Variants in NCOA1 observed in about 807,000 individuals in gnomAD.
NCOA1 encodes the protein nuclear receptor coactivator 1.
In NCOA1, 35 loss-of-function variants were observed where a neutral mutation model predicts 150.9. The observed-to-expected ratio is 0.23, with a 90% confidence interval of 0.18 to 0.31. NCOA1 has a LOEUF of 0.31. NCOA1 is among the 10% of genes least tolerant of loss of function. The pLI is 1.00. For synonymous variants in NCOA1, 590 were observed against 630.0 expected (o/e 0.94, Z 0.95); for missense variants, 1,491 against 1,749.3 (o/e 0.85, Z 2.63).
intron 1 of NCOA1, among the ~76,000 whole-genome samples, chr2:24,515,340 C>T (rs1461770437): frequency 6.6e-6 from 1 of 152,160 alleles, no homozygotes; most frequent in African/African-American, 2.4e-5. Flanking sequence ...TCAAGCAGTC[C>T]TCCCATCTCA....
In NCOA1 at chr2:24,710,994, C is replaced by T; in HGVS notation, c.2482C>T (p.Pro828Ser). 3.1e-6 allele frequency: 5 copies of T among 1,614,160 alleles called. No homozygotes were observed. The highest frequency in any genetic ancestry group is 2.2e-5 in the East Asian group (1 of 44,884). The change falls in exon 14 of 23, where the codon CCA becomes TCA. Residue 828 changes from proline to serine, a missense_variant. Around this residue, in one of 8 missense-constraint regions of NCOA1, gnomAD observed 703 missense variants for 717.7 expected, o/e 0.98. Transcript: ENST00000348332. Reference sequence around the variant, plus strand: ...CACGCTGGAGAAGGCAGCACAGTTGCCAGGCTTATGTGAGACAGACAGGAT... The same window carrying T: ...CACGCTGGAGAAGGCAGCACAGTTGTCAGGCTTATGTGAGACAGACAGGAT... ...LPTLEKAAQL[P>S]GLCETDRMDG...
chr2:24,566,895 A>T (rs1460567657), intron 2 of NCOA1, among the ~76,000 whole-genome samples: 1 of 152,232 alleles, frequency 6.6e-6, no homozygotes, highest in African/African-American at 2.4e-5. Flanking sequence ...CTGAGCCTGC[A>T]GGGGCATGGG....
At chr2:24,681,111 C>T (rs1672141858) in intron 7 of NCOA1, among the ~76,000 whole-genome samples, 1 of 151,142 alleles carries the variant, frequency 6.6e-6, no homozygotes, top group African/African-American at 2.4e-5. Context: ...TGCCTGTAAT[C>T]CCAGCACTTT....
intron 4 of NCOA1, among the ~76,000 whole-genome samples, chr2:24,645,699 C>T (rs898736832): frequency 4.6e-5 from 7 of 151,972 alleles, no homozygotes; most frequent in Admixed American, 1.3e-4. Context: ...GCTGAGCATC[C>T]GAAATCTGAA....
At chr2:24,552,157 G>T (rs1362528251) in intron 1 of NCOA1, among the ~76,000 whole-genome samples, 1 of 151,000 alleles carries the variant, frequency 6.6e-6, no homozygotes. Flanking sequence ...TAAAATTTTA[G>T]AATCAGCTTG....
At chr2:24,507,455 T>TTA (rs1553420646) in intron 1 of NCOA1, among the ~76,000 whole-genome samples, 15 of 146,146 alleles carry the variant, frequency 1.0e-4, no homozygotes, top group South Asian at 4.3e-4. Flanking sequence ...TTTTTTTTTT[T>TTA]AATGTTTAAA....
intron 14 of NCOA1, among the ~76,000 whole-genome samples, chr2:24,725,268 C>T (rs1674558206): frequency 6.6e-6 from 1 of 152,090 alleles, no homozygotes; most frequent in Non-Finnish European, 1.5e-5. Flanking sequence ...ATTTGGGCTA[C>T]TATAACAAAA....
At chr2:24,650,030 A>G (rs1321508745) in intron 4 of NCOA1, among the ~76,000 whole-genome samples, 1 of 152,236 alleles carries the variant, frequency 6.6e-6, no homozygotes, top group East Asian at 1.9e-4. Flanking sequence ...AAATAAGATT[A>G]AATGGTGTTT....
chr2:24,670,446 A>T (rs555903963), intron 6 of NCOA1, among the ~76,000 whole-genome samples: 1 of 152,322 alleles, frequency 6.6e-6, no homozygotes, highest in Non-Finnish European at 1.5e-5. Flanking sequence ...TGATGAATAG[A>T]TATATAAAAG....
intron 7 of NCOA1, among the ~76,000 whole-genome samples, chr2:24,677,156 C>T (rs1344604849): frequency 6.6e-6 from 1 of 151,896 alleles, no homozygotes; most frequent in Admixed American, 6.6e-5. Context: ...CCAGCCTGGC[C>T]AACATGGTGA....
At chr2:24,503,488 G>C (rs910689082) in intron 1 of NCOA1, among the ~76,000 whole-genome samples, 1 of 152,118 alleles carries the variant, frequency 6.6e-6, no homozygotes, top group Non-Finnish European at 1.5e-5. Flanking sequence ...TTGAATACCT[G>C]TTGTTTGATA....
At chr2:24,669,845 C>A (rs887589487) in intron 6 of NCOA1, among the ~76,000 whole-genome samples, 1 of 152,020 alleles carries the variant, frequency 6.6e-6, no homozygotes, top group South Asian at 2.1e-4. Flanking sequence ...TGGCTATAAT[C>A]AAAAAGATAA....
At chr2:24,565,246 A>C (rs976803788) in intron 2 of NCOA1, among the ~76,000 whole-genome samples, 12 of 152,258 alleles carry the variant, frequency 7.9e-5, no homozygotes, top group Non-Finnish European at 1.5e-4. Context: ...TTTCACATGA[A>C]TTCCAAACAG....
At chr2:24,726,202 C>G (rs1450277752) in intron 14 of NCOA1, among the ~76,000 whole-genome samples, 1 of 152,034 alleles carries the variant, frequency 6.6e-6, no homozygotes, top group African/African-American at 2.4e-5. Context: ...TTATCTTTTG[C>G]TCACCACTCT....
chr2:24,662,779 C>G (rs1376532642), intron 5 of NCOA1, among the ~76,000 whole-genome samples: 3 of 151,202 alleles, frequency 2.0e-5, no homozygotes, highest in Non-Finnish European at 2.9e-5. Context: ...AAGTTTGGGC[C>G]TGTGCATTTT....
chr2:24,654,304 A>G (rs1212900361), intron 4 of NCOA1, among the ~76,000 whole-genome samples: 1 of 152,094 alleles, frequency 6.6e-6, no homozygotes, highest in East Asian at 1.9e-4. Context: ...AGGCTTCTAT[A>G]TTTTCCTTAT....
intron 5 of NCOA1, among the ~76,000 whole-genome samples, chr2:24,664,354 G>C (rs779011026): frequency 3.3e-5 from 5 of 152,092 alleles, no homozygotes; most frequent in Non-Finnish European, 5.9e-5. Flanking sequence ...TTGATTAGTT[G>C]ATTCTTTTCA....
intron 3 of NCOA1, among the ~76,000 whole-genome samples, chr2:24,600,648 T>C (rs1668073064): frequency 6.6e-6 from 1 of 152,246 alleles, no homozygotes; most frequent in Non-Finnish European, 1.5e-5. Context: ...GAGATACATA[T>C]TCTTACTATT....
intron 11 of NCOA1, among the ~76,000 whole-genome samples, chr2:24,703,552 T>C (rs907726098): frequency 3.3e-5 from 5 of 152,220 alleles, no homozygotes; most frequent in Non-Finnish European, 5.9e-5. Context: ...ATACATTATA[T>C]TTAGTAAGTA....
Sources: gnomAD v4.1 joint callset for allele counts (sites outside exome capture counted in the v4.1 genomes callset) on GRCh38, gnomAD v4.1.1 for gene constraint, gnomAD v4.1.1 regional missense constraint, MANE v1.5 for transcripts, NCBI Gene and HGNC (gene_info 2026-07-23, HGNC 2026-07-21) for gene names.